The following LYST variants were observed in gnomAD, a reference collection of about 807,000 sequenced individuals.
LYST encodes lysosomal-trafficking regulator.
A neutral mutation model predicts 413.6 loss-of-function variants in LYST; 192 were observed. The observed-to-expected ratio is 0.46, with a 90% CI of 0.41 to 0.52. The LOEUF (loss-of-function observed/expected upper bound fraction) is 0.52, where lower values mean the gene tolerates loss of function less well. LYST is among the 20% of genes least tolerant of loss of function. The probability of loss-of-function intolerance (pLI) is 0.00; values close to 1 mark genes in which losing one functional copy is unlikely to be tolerated. For missense variants in LYST, 3,815 were observed against 4,499.9 expected (o/e 0.85, Z 4.35); for synonymous variants, 1,525 against 1,567.3 (o/e 0.97, Z 0.64).
chr1:235,798,887 G>T (rs1671883608), intron 10 of LYST, among the ~76,000 whole-genome samples: 1 of 152,042 alleles, frequency 6.6e-6, no homozygotes, highest in African/African-American at 2.4e-5. Context: ...TTTCTTTTGG[G>T]GGTGATGAAA....
rs1673165373 is a variant in LYST, at chr1:235,808,980, T to C, written c.1838A>G (p.Asn613Ser). 2 of 1,613,960 alleles carry C rather than the reference T, an allele frequency of 1.2e-6. No individual in the cohort carries two copies. Among genetic ancestry groups the C allele is most frequent in the Non-Finnish European group, 1.7e-6 (2 of 1,179,970 alleles). Residue 613 changes from asparagine to serine, a missense_variant, in exon 5 of 53, where the codon AAT becomes AGT. Around this residue, in one of 4 missense-constraint regions of LYST, gnomAD observed 1,648 missense variants for 1,810.3 expected, o/e 0.91. Transcript: ENST00000389793. ...ATCCAAAATAAGTTTGTTAAGGATA[T>C]TCAATATATGCTGCTGAAAATTTTT... ...ALKNFQQHIL[N>S]ILNKLILDQL...
chr1:235,757,146 CAA>C (rs1667121192), intron 24 of LYST, 133 bp downstream of exon 24: 1 of 604,336 alleles, frequency 1.7e-6, no homozygotes, highest in Admixed American at 3.4e-5. Flanking sequence ...TATTAAGTAA[CAA>C]ACTATATTAG....
intron 1 of LYST, among the ~76,000 whole-genome samples, chr1:235,842,809 T>A (rs946934743): frequency 6.6e-6 from 1 of 152,244 alleles, no homozygotes; most frequent in Non-Finnish European, 1.5e-5. Flanking sequence ...TCTGGATAGT[T>A]AACTTTGATA....
chr1:235,737,904 C>G (rs1572108016), intron 31 of LYST: 1 of 1,145,784 alleles, frequency 8.7e-7, no homozygotes, highest in South Asian at 3.9e-5. Flanking sequence ...GGTGCTGGAG[C>G]CGCTGCCGAC....
In LYST at chr1:235,806,982, A is replaced by G. The variant is rs41315862; in HGVS notation, c.2364-210T>C. Among the ~76,000 whole-genome samples, 16,520 of 152,216 alleles carry G rather than the reference A, an allele frequency of 0.11. 995 individuals carry two copies. The highest frequency in any genetic ancestry group is 0.18 in the Middle Eastern group (53 of 294). ...ATTACTCTGATATCCTTCTTCAAACATTTGTATATATGGCTCCAGCAGTAT... is the reference window on the plus strand; with the variant it reads ...ATTACTCTGATATCCTTCTTCAAACGTTTGTATATATGGCTCCAGCAGTAT... On this transcript the variant is annotated intron_variant, in intron 5 of 52. Transcript: ENST00000389793.
At chr1:235,735,815 A>G (rs1285001175) in intron 31 of LYST, 2 of 152,154 alleles carry the variant, frequency 1.3e-5, no homozygotes, top group African/African-American at 4.8e-5. Flanking sequence ...AGTACAGCTC[A>G]TTTTAATGCA....
Position 235,661,931 on chromosome 1 carries a change from G to A in LYST, c.*1009C>T, listed in dbSNP as rs1658080120. The A allele has an allele frequency of 6.6e-6, 1 of 152,324 alleles. No individual in the cohort carries two copies. Among genetic ancestry groups the A allele is most frequent in the South Asian group, 2.1e-4 (1 of 4,828 alleles). The allele number at this position is 152,324 out of a possible 1,614,324, so 9.4% of individuals were successfully genotyped here. A position where few individuals can be genotyped will look rare whatever the true frequency, so the allele number is the denominator to read the frequency against. The stretch of plus-strand genomic sequence containing the variant: ...CTTCCTAGAATTCTCAGATGGTATA[G>A]GTTAGTAGAAACAGAATGAAATGGT... On this transcript the variant is annotated 3_prime_UTR_variant, in exon 53 of 53. Coordinates refer to ENST00000389793, the MANE Select transcript of LYST (RefSeq NM_000081.4).
At chr1:235,712,417 T>C (rs1662469656) in intron 42 of LYST, 7 of 405,264 alleles carry the variant, frequency 1.7e-5, no homozygotes, top group Non-Finnish European at 3.0e-5. Flanking sequence ...TTGTAATATA[T>C]ATTATTAGAT....
At chr1:235,711,573 C>G (rs1427511989) in intron 43 of LYST, among the ~76,000 whole-genome samples, 2 of 152,176 alleles carry the variant, frequency 1.3e-5, no homozygotes, top group Admixed American at 6.5e-5. Flanking sequence ...GCAGCCAAGA[C>G]TGTTAGTTGG....
chr1:235,732,795 CATA>C (rs1434639803), intron 34 of LYST, among the ~76,000 whole-genome samples: 2 of 152,228 alleles, frequency 1.3e-5, no homozygotes, highest in Admixed American at 1.3e-4. Flanking sequence ...CTTCTGGGAT[CATA>C]ATATTTTACT....
Position 235,806,549 on chromosome 1 carries a change from C to T in LYST, c.2587G>A (p.Ala863Thr). 1.2e-6 allele frequency: 2 copies of T among 1,614,046 alleles called. No individual in the cohort carries two copies. The highest frequency in any genetic ancestry group is 1.7e-6 in the Non-Finnish European group (2 of 1,179,968). ...AGACTCTGAGGAGAATCTGAATAAG[C>T]TTGCTGATGATGAAAAGAAGTACCC... is the stretch of plus-strand genomic sequence containing the variant. ...HVGTSFHHQQAYSDSPQSLSK... is the reference protein window; with the variant it reads ...HVGTSFHHQQTYSDSPQSLSK... Residue 863 changes from alanine to threonine, a missense_variant, in exon 6 of 53, where the codon GCT becomes ACT. Ala to Thr is a moderately conservative substitution (Grantham distance 58). Transcript: ENST00000389793.
At position 235,730,849 on chromosome 1, in the gene LYST, T is replaced by C. The variant is rs1432592734; in HGVS notation, c.9042A>G (p.Ile3014Met). The C allele has an allele frequency of 1.9e-6, 3 of 1,588,730 alleles. No individual in the cohort carries two copies. The highest frequency in any genetic ancestry group is 2.7e-5 in the African/African-American group (2 of 74,360). ...TVKDKAASES[I>M]RVNRRCISVA... is the part of the protein sequence containing the mutation. ...AAGGTCTATTGATTCAAAGTTACCT[T>C]ATAGATTCACTTGCAGCTTTGTCTT... is the stretch of plus-strand genomic sequence containing the variant. The change falls in exon 36 of 53, where the codon ATA (isoleucine) becomes ATG (methionine). Residue 3014 changes from isoleucine (I) to methionine (M), a missense_variant and splice_region_variant. Transcript: ENST00000389793.
At chr1:235,695,415 C>T (rs1249066231) in intron 46 of LYST, among the ~76,000 whole-genome samples, 1 of 152,150 alleles carries the variant, frequency 6.6e-6, no homozygotes, top group East Asian at 1.9e-4. Context: ...TCTGGACATA[C>T]CCAGGTTCTG....
chr1:235,779,082 G>T (rs963227316), intron 16 of LYST, among the ~76,000 whole-genome samples: 3 of 151,440 alleles, frequency 2.0e-5, no homozygotes, highest in Non-Finnish European at 4.4e-5. Context: ...GGCCAGGCTG[G>T]TCTCAAACTC....
chr1:235,805,913 C>T lies in LYST; in HGVS notation c.3223G>A (p.Val1075Met), dbSNP rs767491007. Residue 1075 changes from valine (V) to methionine (M), a missense_variant, in exon 6 of 53, where the codon GTG (valine) becomes ATG (methionine). This residue lies in a region of LYST where 1,648 missense variants were observed against 1,810.3 expected (regional missense o/e 0.91). Transcript: ENST00000389793. ...GCTTCAGTAGCTGAAACTTCTTCCA[C>T]ATTTATGGAAGAAATATGCTGTAAC... ...LELQHISSIN[V>M]EEVSATEAAP... 22 of 1,613,754 alleles carry T rather than the reference C, an allele frequency of 1.4e-5. No individual in the cohort carries two copies. Among genetic ancestry groups the T allele is most frequent in the Non-Finnish European group, 1.8e-5 (21 of 1,179,788 alleles).
Position 235,709,279 on chromosome 1 carries a change from C to T in LYST, c.9955G>A (p.Glu3319Lys). The change falls in exon 44 of 53, where the codon GAA becomes AAA. Residue 3319 changes from glutamate to lysine, a missense_variant. Physicochemically the swap from Glu to Lys is moderately conservative, Grantham distance 56. Coordinates refer to ENST00000389793, the MANE Select transcript of LYST (RefSeq NM_000081.4). ...GFDFGVRQNG[E>K]RVNHVNLPPW... is the part of the protein sequence containing the mutation. ...GGAAGGTTGACGTGATTAACCCGTT[C>T]ACCATTCTGACGCACACCAAAATCA... is the stretch of plus-strand genomic sequence containing the variant. 1 of 1,613,962 alleles carries T rather than the reference C, an allele frequency of 6.2e-7. No individual in the cohort carries two copies. Among genetic ancestry groups the T allele is most frequent in the Non-Finnish European group, 8.5e-7 (1 of 1,179,940 alleles).
chr1:235,724,206 A>G (rs369806680), intron 38 of LYST, 26 bp from the exon 39 acceptor site: 11 of 1,589,260 alleles, frequency 6.9e-6, no homozygotes, highest in Non-Finnish European at 9.5e-6. Context: ...AGGCAAAAAT[A>G]TTTGTTTTAC....
chr1:235,687,372 T>A (rs1445192750), intron 47 of LYST, among the ~76,000 whole-genome samples: 1 of 152,230 alleles, frequency 6.6e-6, no homozygotes, highest in African/African-American at 2.4e-5. Context: ...ATTGATTAAA[T>A]CCAAGGTTGA....
At chr1:235,770,919 A>G (rs899874245) in intron 19 of LYST, among the ~76,000 whole-genome samples, 7 of 152,194 alleles carry the variant, frequency 4.6e-5, no homozygotes, top group Admixed American at 4.6e-4. Context: ...TACTAGAGAA[A>G]AAAAGAGATC....
Sources: allele counts gnomAD v4.1 joint callset (sites outside exome capture counted in the v4.1 genomes callset), GRCh38; gene constraint gnomAD v4.1.1; regional missense constraint gnomAD v4.1.1; transcripts MANE v1.5; gene names NCBI Gene and HGNC (gene_info 2026-07-23, HGNC 2026-07-21).